The following RRBP1 variants were observed in gnomAD, a reference collection of about 807,000 sequenced individuals.
RRBP1 encodes ribosome-binding protein 1.
Under a neutral mutation model 165.2 loss-of-function variants are expected in RRBP1, and 94 were observed. That is an observed-to-expected ratio of 0.57 (90% CI 0.48 to 0.68). The LOEUF (loss-of-function observed/expected upper bound fraction) is 0.68. Ranked by LOEUF, RRBP1 falls within the 30% of genes least tolerant of loss-of-function variation. RRBP1 has a pLI of 0.00. For missense variants in RRBP1, 1,676 were observed against 1,763.0 expected (o/e 0.95, Z 0.88); for synonymous variants, 680 against 714.5 (o/e 0.95, Z 0.77).
In RRBP1 at chr20:17,636,426, G is replaced by C. The variant is rs185115424; in HGVS notation, c.2337+151C>G. The C allele has an allele frequency of 3.3e-5, 28 of 840,592 alleles. 1 individual carries two copies. The African/African-American group carries it at 3.4e-4, about 10-fold the overall frequency. The allele number at this position is 840,592 out of a possible 1,614,324, so 52.1% of individuals were successfully genotyped here. A position where few individuals can be genotyped will look rare whatever the true frequency, so the allele number is the denominator to read the frequency against. On this transcript the variant is annotated intron_variant, in intron 6 of 24. Transcript: ENST00000377813. ...GTCCAGCCAAATGCAACAGCCCCTGGACTCCTAAACCTGACCAGACCTTAC... is the reference window on the plus strand; with the variant it reads ...GTCCAGCCAAATGCAACAGCCCCTGCACTCCTAAACCTGACCAGACCTTAC...
rs1600776545 is a variant in RRBP1 at position 17,665,088 on chromosome 20, G to GTGTATACATATATA, written c.-21-4561_-21-4560insTATATATGTATACA. On this transcript the variant is annotated intron_variant, in intron 2 of 24. Coordinates refer to ENST00000377813, the MANE Select transcript of RRBP1 (RefSeq NM_001365613.2). ...GATATTTATTTATATATATATGTAT[G>GTGTATACATATATA]TGCCTGTGTATACATATATATGTGG... is the stretch of plus-strand genomic sequence containing the variant. Among the ~76,000 whole-genome samples, 8 of 151,662 alleles carry GTGTATACATATATA rather than the reference G, an allele frequency of 5.3e-5. No homozygotes were observed. The East Asian group carries it at 1.5e-3, about 29-fold the overall frequency.
intron 13 of RRBP1, among the ~76,000 whole-genome samples, chr20:17,622,679 G>A (rs1449545249): frequency 6.6e-6 from 1 of 152,072 alleles, no homozygotes; most frequent in Non-Finnish European, 1.5e-5. Flanking sequence ...GAAACAAAGG[G>A]GGCCCAAGGG....
chr20:17,680,753 C>A (rs1276962537), intron 1 of RRBP1, among the ~76,000 whole-genome samples: 1 of 152,052 alleles, frequency 6.6e-6, no homozygotes, highest in Non-Finnish European at 1.5e-5. Flanking sequence ...CCCGCGCCCG[C>A]CGCAGTGCCG....
intron 11 of RRBP1, 24 bp from the exon 12 acceptor site, chr20:17,625,626 C>T (rs774747719): frequency 1.2e-5 from 19 of 1,600,158 alleles, no homozygotes; most frequent in East Asian, 1.1e-4. Context: ...ACGAGGTCAC[C>T]GCCTAGGCTC....
intron 5 of RRBP1, among the ~76,000 whole-genome samples, chr20:17,638,825 A>G (rs1036120806): frequency 6.6e-6 from 1 of 152,060 alleles, no homozygotes; most frequent in Non-Finnish European, 1.5e-5. Context: ...CCCTAGGAGT[A>G]GTGGGGCCCC....
Position 17,619,824 on chromosome 20 carries a change from G to C in RRBP1, c.3580-96C>G, listed in dbSNP as rs924139195. ...GCAGGCTGGCCCTGGGATAGGTGAG[G>C]CCTCTCGGGAGATCCCTGAGGCCCA... On this transcript the variant is annotated intron_variant, in intron 18 of 24. Transcript: ENST00000377813. The C allele has an allele frequency of 8.5e-6, 7 of 826,412 alleles. No homozygotes were observed. The Admixed American group carries it at 1.3e-4, about 15-fold the overall frequency. The allele number at this position is 826,412 out of a possible 1,614,324, so 51.2% of individuals were successfully genotyped here.
chr20:17,665,888 G>A (rs185231542), intron 2 of RRBP1, among the ~76,000 whole-genome samples: 3 of 152,280 alleles, frequency 2.0e-5, no homozygotes, highest in African/African-American at 7.2e-5. Flanking sequence ...GTATGTGACA[G>A]GAAACAGTGA....
chr20:17,666,548 G>A (rs1236802381), intron 2 of RRBP1, among the ~76,000 whole-genome samples: 1 of 152,110 alleles, frequency 6.6e-6, no homozygotes, highest in East Asian at 1.9e-4. Flanking sequence ...TCAAATCTAG[G>A]AGTTTGTAGA....
At chr20:17,651,559 T>C (rs1303615487) in intron 3 of RRBP1, among the ~76,000 whole-genome samples, 1 of 152,222 alleles carries the variant, frequency 6.6e-6, no homozygotes, top group Non-Finnish European at 1.5e-5. Flanking sequence ...TACGGAAAGA[T>C]GTCACCAACA....
At chr20:17,652,144 C>A (rs1419101250) in intron 3 of RRBP1, among the ~76,000 whole-genome samples, 1 of 152,212 alleles carries the variant, frequency 6.6e-6, no homozygotes, top group Non-Finnish European at 1.5e-5. Flanking sequence ...CTGCACAGAC[C>A]GGCTAGTGAT....
chr20:17,621,977 T>TGTTCAGC, intron 13 of RRBP1, 30 bp from the exon 14 acceptor site: 1 of 1,574,934 alleles, frequency 6.3e-7, no homozygotes, highest in Non-Finnish European at 8.7e-7. Flanking sequence ...GAGCGGAAGG[T>TGTTCAGC]GTTCAGCTGT....
Position 17,635,726 on chromosome 20 carries a change from G to C in RRBP1, c.2338-62C>G, listed in dbSNP as rs889538433. 8.1e-5 allele frequency: 102 copies of C among 1,263,438 alleles called. 1 individual carries two copies. The highest frequency in any genetic ancestry group is 9.2e-6 in the Non-Finnish European group (8 of 868,582). The allele number at this position is 1,263,438 out of a possible 1,614,324, so 78.3% of individuals were successfully genotyped here. A position where few individuals can be genotyped will look rare whatever the true frequency, so the allele number is the denominator to read the frequency against. ...GGCCTCACACACAGAACTGACTTCTGAGCAGTGGTTAGTGAAGACACAGCC... is the reference window on the plus strand; with the variant it reads ...GGCCTCACACACAGAACTGACTTCTCAGCAGTGGTTAGTGAAGACACAGCC... On this transcript the variant is annotated intron_variant, in intron 6 of 24. Transcript: ENST00000377813.
At position 17,660,517 on chromosome 20, in the gene RRBP1, C is replaced by G. The variant is rs767467407; in HGVS notation, c.-10G>C. 26 of 1,600,066 alleles carry G rather than the reference C, an allele frequency of 1.6e-5. No individual in the cohort carries two copies. The highest frequency in any genetic ancestry group is 2.2e-5 in the Non-Finnish European group (26 of 1,169,402). Reference sequence around the variant, plus strand: ...TGTCGTAAATATCCATCCTGGCTTGCTTTCCTTTCACCTGTCAAACATACA... The same window carrying G: ...TGTCGTAAATATCCATCCTGGCTTGGTTTCCTTTCACCTGTCAAACATACA... On this transcript the variant is annotated 5_prime_UTR_variant, in exon 3 of 25. Transcript: ENST00000377813.
rs142050458 is a variant in RRBP1, at chr20:17,660,395, T to A, written c.113A>T (p.Tyr38Phe). 18 of 1,614,084 alleles carry A rather than the reference T, an allele frequency of 1.1e-5. No individual in the cohort carries two copies. Among genetic ancestry groups the A allele is most frequent in the Admixed American group, 8.3e-5 (5 of 60,006 alleles). Reference sequence around the variant, plus strand: ...GCGCTGGTTGGCTAGGGCTTCTTCATATGACGTTTCCTTCATGGAGAAAGT... The same window carrying A: ...GCGCTGGTTGGCTAGGGCTTCTTCAAATGACGTTTCCTTCATGGAGAAAGT... The part of the protein sequence containing the change: ...VSTFSMKETS[Y>F]EEALANQRKE... The change falls in exon 3 of 25, where the codon TAT becomes TTT. Residue 38 changes from tyrosine to phenylalanine, a missense_variant. Physicochemically the swap from Tyr to Phe is conservative, Grantham distance 22. This residue lies in a region of RRBP1 where 392 missense variants were observed against 382.5 expected (regional missense o/e 1.02). Transcript: ENST00000377813.
At chr20:17,627,933 G>A (rs940280270) in intron 9 of RRBP1, among the ~76,000 whole-genome samples, 1 of 152,216 alleles carries the variant, frequency 6.6e-6, no homozygotes, top group African/African-American at 2.4e-5. Flanking sequence ...GGACACTCAT[G>A]AGAAAATGAT....
chr20:17,631,395 T>C (rs1469283273), intron 8 of RRBP1, among the ~76,000 whole-genome samples: 1 of 152,248 alleles, frequency 6.6e-6, no homozygotes, highest in Admixed American at 6.5e-5. Context: ...TTACTAACAT[T>C]GATTAGAACT....
rs1353883981 is a variant in RRBP1 at position 17,618,304 on chromosome 20, AG to A, written c.3759+291del. 3.9e-5 allele frequency among the ~76,000 whole-genome samples: 6 copies of A among 152,296 alleles called. No homozygotes were observed. In the East Asian group the frequency reaches 1.2e-3, roughly 29 times the overall value. ...CCCCAGGTGACTACAATGGGCTCAC[AG>A]GGAATGCAGACGCCCAGAGCTCTCA... On this transcript the variant is annotated intron_variant, in intron 20 of 24. Transcript: ENST00000377813.
At chr20:17,680,900 C>A (rs932245213) in intron 1 of RRBP1, among the ~76,000 whole-genome samples, 7 of 152,124 alleles carry the variant, frequency 4.6e-5, no homozygotes, top group Non-Finnish European at 8.8e-5. Context: ...TAACAGGAGC[C>A]CCGATTTGCA....
At chr20:17,674,935 T>C (rs188579859) in intron 2 of RRBP1, among the ~76,000 whole-genome samples, 1 of 152,290 alleles carries the variant, frequency 6.6e-6, no homozygotes, top group Admixed American at 6.5e-5. Flanking sequence ...CTCACACTCA[T>C]TGGTTATACA....
Sources: gnomAD v4.1 joint callset for allele counts (sites outside exome capture counted in the v4.1 genomes callset) on GRCh38, gnomAD v4.1.1 for gene constraint, gnomAD v4.1.1 regional missense constraint, MANE v1.5 for transcripts, NCBI Gene and HGNC (gene_info 2026-07-23, HGNC 2026-07-21) for gene names.